FAM234B: variants seen among roughly 807,000 people sequenced by gnomAD.
FAM234B encodes family with sequence similarity 234 member B, also known as protein FAM234B.
Under a neutral mutation model 69.3 loss-of-function variants are expected in FAM234B, and 33 were observed. The ratio of observed to expected loss-of-function variants is 0.48; its 90% confidence interval spans 0.36 to 0.64. The LOEUF (loss-of-function observed/expected upper bound fraction) is 0.64. Among genes scored for constraint, FAM234B ranks in the 30% least tolerant of loss-of-function variants. The pLI, the probability that FAM234B is intolerant of heterozygous loss-of-function variation, is 0.00. For missense variants in FAM234B, 697 were observed against 769.7 expected (o/e 0.91, Z 1.12); for synonymous variants, 306 against 306.9 (o/e 1.00, Z 0.03).
intron 11 of FAM234B, among the ~76,000 whole-genome samples, chr12:13,076,745 G>A (rs1180575183): frequency 2.6e-5 from 4 of 152,194 alleles, no homozygotes; most frequent in Non-Finnish European, 5.9e-5. Context: ...AAATAACACT[G>A]TAAATAAAAT....
At chr12:13,071,488 T>C in intron 10 of FAM234B, 92 bp downstream of exon 10, 1 of 1,233,154 alleles carries the variant, frequency 8.1e-7, no homozygotes, top group Admixed American at 2.0e-5. Flanking sequence ...ATTTGACCCA[T>C]CACTTTCCAA....
intron 3 of FAM234B, among the ~76,000 whole-genome samples, chr12:13,058,776 C>A (rs1864957383): frequency 6.6e-6 from 1 of 152,138 alleles, no homozygotes. Context: ...TAGTGGTGAC[C>A]AGGCCAGTGA....
rs988206048 is a variant in FAM234B at position 13,083,322 on chromosome 12, A to G, written c.*2692A>G. On this transcript the variant is annotated 3_prime_UTR_variant, in exon 13 of 13. Transcript: ENST00000197268. ...TCCCCCAAATGTGTGGTATGGTGAA[A>G]CTAATCCCCTGAATGTGAATTGCTA... 1.3e-5 allele frequency: 2 copies of G among 152,480 alleles called. No homozygotes were observed. The highest frequency in any genetic ancestry group is 4.8e-5 in the African/African-American group (2 of 41,392). The allele number at this position is 152,480 out of a possible 1,614,324, so 9.4% of individuals were successfully genotyped here. A position where few individuals can be genotyped will look rare whatever the true frequency, so the allele number is the denominator to read the frequency against.
At chr12:13,047,245 G>C (rs977820145) in intron 1 of FAM234B, among the ~76,000 whole-genome samples, 2 of 152,204 alleles carry the variant, frequency 1.3e-5, no homozygotes, top group South Asian at 4.1e-4. Context: ...CATAAAGCCT[G>C]TAGGGCAGCT....
chr12:13,058,515 C>T lies in FAM234B; in HGVS notation c.498C>T (p.Leu166=), dbSNP rs746776913. The change falls in exon 3 of 13, where the codon CTC becomes CTT. Residue 166 remains leucine (L), a synonymous_variant. Transcript: ENST00000197268. ...VNGDGLRDVL[L]SFVMSRNGSA... is the part of the protein sequence containing the mutation. ...GAGATGGCCTGCGTGATGTGCTTCT[C>T]TCCTTTGTGATGTCAAGGAACGGGA... 2.5e-6 allele frequency: 4 copies of T among 1,614,058 alleles called. No homozygotes were observed. The highest frequency in any genetic ancestry group is 2.2e-5 in the South Asian group (2 of 91,080).
At position 13,080,613 on chromosome 12, in the gene FAM234B, CT is replaced by C; in HGVS notation, c.1864-7del. ...GAAAAACAATAAAGTCACGATAACT[CT>C]TTTTCCATAGATCTAATCTGATGGA... On this transcript the variant is annotated splice_polypyrimidine_tract_variant and intron_variant, in intron 12 of 12. Transcript: ENST00000197268. 2 of 1,604,048 alleles carry C rather than the reference CT, an allele frequency of 1.2e-6. No homozygotes were observed. Among genetic ancestry groups the C allele is most frequent in the Non-Finnish European group, 1.7e-6 (2 of 1,171,022 alleles).
rs780846861 is a variant in FAM234B, at chr12:13,071,397, G to A, written c.1524+1G>A. 6 of 1,613,920 alleles carry A rather than the reference G, an allele frequency of 3.7e-6. No homozygotes were observed. The East Asian group carries it at 8.9e-5, about 24-fold the overall frequency. On this transcript the variant is annotated splice_donor_variant, in intron 10 of 12. Transcript: ENST00000197268. LOFTEE classifies it high-confidence loss of function. ...GCTGTCAGCTGCATCTCCCAATTCCGTGAGTGAGCCTGGGAGGGTCCCTTT... is the reference window on the plus strand; with the variant it reads ...GCTGTCAGCTGCATCTCCCAATTCCATGAGTGAGCCTGGGAGGGTCCCTTT...
intron 5 of FAM234B, among the ~76,000 whole-genome samples, chr12:13,064,673 A>G (rs1027571210): frequency 2.0e-5 from 3 of 152,144 alleles, no homozygotes; most frequent in African/African-American, 7.2e-5. Context: ...TTCTGCTTGA[A>G]AAGTGGTAGA....
intron 10 of FAM234B, 91 bp from the exon 11 acceptor site, chr12:13,075,935 A>G: frequency 2.2e-6 from 2 of 906,776 alleles, no homozygotes; most frequent in South Asian, 1.3e-5. Flanking sequence ...ATGAGTAATC[A>G]CCATTTTCTA....
intron 1 of FAM234B, among the ~76,000 whole-genome samples, chr12:13,048,773 G>C (rs1221441900): frequency 4.6e-5 from 7 of 152,168 alleles, no homozygotes; most frequent in Non-Finnish European, 1.0e-4. Context: ...TTGAGACGAG[G>C]CAATTTATAA....
rs141855007 is a variant in FAM234B, at chr12:13,058,536, C to T, written c.519C>T (p.Asn173=). 145 of 1,612,210 alleles carry T rather than the reference C, an allele frequency of 9.0e-5. No homozygotes were observed. The highest frequency in any genetic ancestry group is 6.3e-4 in the African/African-American group (47 of 74,288). ...TTCTCTCCTTTGTGATGTCAAGGAA[C>T]GGGAGTGCAGTAGGTAAGAGACGTG... ...DVLLSFVMSR[N]GSAVGVSRPA... The change falls in exon 3 of 13, where the codon AAC becomes AAT. Residue 173 remains asparagine (N), a synonymous_variant. Coordinates refer to ENST00000197268, the MANE Select transcript of FAM234B (RefSeq NM_020853.2).
chr12:13,052,502 G>C (rs185947976), intron 1 of FAM234B, among the ~76,000 whole-genome samples: 2 of 152,122 alleles, frequency 1.3e-5, no homozygotes, highest in Non-Finnish European at 2.9e-5. Context: ...ACTATGTTAA[G>C]TATACAGTTC....
At chr12:13,060,261 G>C (rs1358306402) in intron 3 of FAM234B, among the ~76,000 whole-genome samples, 5 of 152,172 alleles carry the variant, frequency 3.3e-5, no homozygotes, top group African/African-American at 7.2e-5. Context: ...ACAAAGCTTT[G>C]TGCTACTGGA....
chr12:13,049,592 G>A (rs900952554), intron 1 of FAM234B, among the ~76,000 whole-genome samples: 13 of 152,150 alleles, frequency 8.5e-5, no homozygotes, highest in African/African-American at 3.1e-4. Flanking sequence ...TTCTTTTTAT[G>A]TCTCTGACTC....
chr12:13,055,519 C>T lies in FAM234B; in HGVS notation c.38-32C>T, dbSNP rs181154480. The T allele has an allele frequency of 2.1e-5, 32 of 1,549,762 alleles. No individual in the cohort carries two copies. The Admixed American group carries it at 4.6e-4, about 22-fold the overall frequency. On this transcript the variant is annotated intron_variant, in intron 1 of 12. Transcript: ENST00000197268. ...TGGTGAGGGTGTCTTCTCCCCAGTT[C>T]CCCTTGACTCTCTGTTTTTCTGTAT...
rs185599000 is a variant in FAM234B at position 13,068,044 on chromosome 12, G to A, written c.1143-260G>A. ...TGTTGCCTTTCCCAGAGTATCCAGT[G>A]TGAGAGATATTGCACTGTAGCACTT... On this transcript the variant is annotated intron_variant, in intron 7 of 12. Coordinates refer to ENST00000197268, the MANE Select transcript of FAM234B (RefSeq NM_020853.2). 3.7e-3 allele frequency among the ~76,000 whole-genome samples: 562 copies of A among 152,326 alleles called. 1 individual carries two copies. The highest frequency in any genetic ancestry group is 0.012 in the South Asian group (58 of 4,824).
Position 13,044,394 on chromosome 12 carries a change from G to C in FAM234B, c.-10G>C. 1.3e-6 allele frequency: 2 copies of C among 1,551,088 alleles called. No homozygotes were observed. Among genetic ancestry groups the C allele is most frequent in the Non-Finnish European group, 8.7e-7 (1 of 1,147,310 alleles). ...ACGCGGGCGCGCGCACGCGCACCGGGGCCTCAGCCATGGCGACCGTGCTGT... is the reference window on the plus strand; with the variant it reads ...ACGCGGGCGCGCGCACGCGCACCGGCGCCTCAGCCATGGCGACCGTGCTGT... On this transcript the variant is annotated 5_prime_UTR_variant, in exon 1 of 13. Coordinates refer to ENST00000197268, the MANE Select transcript of FAM234B (RefSeq NM_020853.2). The surrounding 1 kb of genome is among the most constrained non-coding windows in gnomAD (Gnocchi z 5.6).
At chr12:13,065,684 C>A (rs562588805) in intron 5 of FAM234B, among the ~76,000 whole-genome samples, 1 of 152,214 alleles carries the variant, frequency 6.6e-6, no homozygotes, top group South Asian at 2.1e-4. Context: ...TCCCTCTCAG[C>A]TTTGTGATAA....
At chr12:13,061,429 T>C in intron 3 of FAM234B, 146 bp from the exon 4 acceptor site, 1 of 626,228 alleles carries the variant, frequency 1.6e-6, no homozygotes, top group Non-Finnish European at 2.8e-6. Flanking sequence ...CACATCTTGC[T>C]GCCAGAAGTG....
Sources: gnomAD v4.1 joint callset for allele counts (sites outside exome capture counted in the v4.1 genomes callset) on GRCh38, gnomAD v4.1.1 for gene constraint, Gnocchi (gnomAD v3.1) non-coding constraint, MANE v1.5 for transcripts, NCBI Gene and HGNC (gene_info 2026-07-23, HGNC 2026-07-21) for gene names.